Variants in PTPRT observed in about 807,000 individuals in gnomAD.
PTPRT encodes the protein receptor-type tyrosine-protein phosphatase T.
Under a neutral mutation model 176.8 loss-of-function variants are expected in PTPRT, and 56 were observed. That is an observed-to-expected ratio of 0.32 (90% confidence interval 0.26 to 0.40). The LOEUF (loss-of-function observed/expected upper bound fraction) is 0.40, where lower values mean the gene tolerates loss of function less well. PTPRT is among the 10% of genes least tolerant of loss of function. The pLI is 1.00. For synonymous variants in PTPRT, 783 were observed against 739.0 expected (o/e 1.06, Z -0.96); for missense variants, 1,540 against 1,908.2 (o/e 0.81, Z 3.60).
At chr20:42,861,528 C>T (rs2078660604) in intron 2 of PTPRT, among the ~76,000 whole-genome samples, 1 of 151,664 alleles carries the variant, frequency 6.6e-6, no homozygotes, top group Admixed American at 6.6e-5. Flanking sequence ...GCTTGTTGTG[C>T]TAGACACTGA....
chr20:42,085,940 TTTTTTC>T (rs1306323344), intron 27 of PTPRT, 87 bp from the exon 28 acceptor site: 3 of 1,421,210 alleles, frequency 2.1e-6, no homozygotes, highest in African/African-American at 1.5e-5. Context: ...TTTCTTTTCT[TTTTTTC>T]TTTTTCTTTT....
chr20:42,696,041 G>T (rs1003826039), intron 6 of PTPRT, among the ~76,000 whole-genome samples: 2 of 152,070 alleles, frequency 1.3e-5, no homozygotes, highest in African/African-American at 4.8e-5. Flanking sequence ...CAAAAGCGAT[G>T]TGATAATATT....
rs774903450 is a variant in PTPRT, at chr20:42,110,344, C to T, written c.3243G>A (p.Val1081=). ...GACCTTTGACTTACCTGCAGTGGAC[C>T]ACTATGGGCCCAGCTTCCGGGGGGT... is the stretch of plus-strand genomic sequence containing the variant. ...FLNPPEAGPI[V]VHCSAGAGRT... Residue 1081 remains valine (V), a synonymous_variant, in exon 23 of 31, where the codon GTG becomes GTA. Transcript: ENST00000373187. The T allele has an allele frequency of 1.2e-6, 2 of 1,609,942 alleles. No homozygotes were observed. Among genetic ancestry groups the T allele is most frequent in the South Asian group, 1.1e-5 (1 of 90,574 alleles).
At chr20:42,428,096 A>T (rs901214809) in intron 9 of PTPRT, among the ~76,000 whole-genome samples, 1 of 152,250 alleles carries the variant, frequency 6.6e-6, no homozygotes, top group African/African-American at 2.4e-5. Flanking sequence ...ACGGACGCAC[A>T]TGAAAACCAC....
At chr20:42,335,156 A>C (rs984023955) in intron 11 of PTPRT, among the ~76,000 whole-genome samples, 1 of 152,204 alleles carries the variant, frequency 6.6e-6, no homozygotes, top group Non-Finnish European at 1.5e-5. Flanking sequence ...GGAGTAGTCA[A>C]GTGTGGACAG....
At chr20:42,992,412 A>G (rs1414680394) in intron 1 of PTPRT, among the ~76,000 whole-genome samples, 1 of 152,216 alleles carries the variant, frequency 6.6e-6, no homozygotes, top group African/African-American at 2.4e-5. Context: ...GAGGAAACTC[A>G]GTCTATTGGT....
rs578069633 is a variant in PTPRT at position 42,498,925 on chromosome 20, C to T, written c.1154-26363G>A. Reference sequence around the variant, plus strand: ...TATTGATTTATGTCTTTGCCTGTAACTTCTGTCTTCCTAAAATGTATACAA... The same window carrying T: ...TATTGATTTATGTCTTTGCCTGTAATTTCTGTCTTCCTAAAATGTATACAA... On this transcript the variant is annotated intron_variant, in intron 7 of 30. Transcript: ENST00000373187. Among the ~76,000 whole-genome samples the T allele has an allele frequency of 3.3e-5, 5 of 152,264 alleles. No individual in the cohort carries two copies. The South Asian group carries it at 8.3e-4, about 25-fold the overall frequency.
intron 30 of PTPRT, among the ~76,000 whole-genome samples, chr20:42,081,283 A>G (rs577634011): frequency 1.3e-5 from 2 of 152,270 alleles, no homozygotes; most frequent in African/African-American, 4.8e-5. Context: ...AAGATTCTGC[A>G]TTTCTAACAA....
intron 9 of PTPRT, among the ~76,000 whole-genome samples, chr20:42,370,641 A>C (rs1211340162): frequency 6.6e-6 from 1 of 152,216 alleles, no homozygotes; most frequent in Non-Finnish European, 1.5e-5. Flanking sequence ...CTTATAGGTC[A>C]GAATGGGGAA....
chr20:42,210,868 A>T (rs934869666), intron 15 of PTPRT, among the ~76,000 whole-genome samples: 1 of 152,158 alleles, frequency 6.6e-6, no homozygotes, highest in African/African-American at 2.4e-5. Flanking sequence ...ACAAAGCTGG[A>T]GGCATCACAC....
intron 14 of PTPRT, among the ~76,000 whole-genome samples, chr20:42,239,413 C>CTTTTTTTTTTT (rs35978863): frequency 3.7e-4 from 30 of 81,198 alleles, no homozygotes; most frequent in African/African-American, 6.4e-4. Flanking sequence ...CATTTTCTTT[C>CTTTTTTTTTTT]TTTTTTTTTT....
chr20:42,348,821 C>T (rs1008196495), intron 11 of PTPRT, among the ~76,000 whole-genome samples: 13 of 152,084 alleles, frequency 8.5e-5, no homozygotes, highest in African/African-American at 2.4e-4. Flanking sequence ...TGTAGAGTTG[C>T]GCTATTCCTT....
chr20:43,087,874 G>A (rs1484134877), intron 1 of PTPRT, among the ~76,000 whole-genome samples: 1 of 152,116 alleles, frequency 6.6e-6, no homozygotes, highest in East Asian at 1.9e-4. Flanking sequence ...CAACACAGAG[G>A]ACACTGAAGG....
chr20:42,281,680 T>C (rs539429597), intron 13 of PTPRT, among the ~76,000 whole-genome samples: 33 of 152,300 alleles, frequency 2.2e-4, no homozygotes, highest in African/African-American at 7.9e-4. Flanking sequence ...TTTATCTCCT[T>C]GGAAGCAGTC....
chr20:42,962,793 C>T (rs1465226275), intron 1 of PTPRT, among the ~76,000 whole-genome samples: 3 of 152,182 alleles, frequency 2.0e-5, no homozygotes, highest in Non-Finnish European at 4.4e-5. Flanking sequence ...CCAGGCCAGG[C>T]GCGGTGGCTC....
intron 1 of PTPRT, among the ~76,000 whole-genome samples, chr20:42,990,672 TAAAC>T (rs1009305235): frequency 6.6e-6 from 1 of 152,192 alleles, no homozygotes; most frequent in Admixed American, 6.5e-5. Context: ...ATTATATTTT[TAAAC>T]AAACTCACTG....
chr20:42,473,249 A>G (rs1601090214), intron 7 of PTPRT, among the ~76,000 whole-genome samples: 1 of 152,114 alleles, frequency 6.6e-6, no homozygotes, highest in African/African-American at 2.4e-5. Flanking sequence ...ATGCCTTCTC[A>G]CCCTAATGCT....
intron 2 of PTPRT, among the ~76,000 whole-genome samples, chr20:42,873,135 C>G (rs1193984792): frequency 6.6e-6 from 1 of 152,180 alleles, no homozygotes; most frequent in Non-Finnish European, 1.5e-5. Context: ...TTCAAGTCAA[C>G]AGAGCAAGGC....
intron 1 of PTPRT, among the ~76,000 whole-genome samples, chr20:42,961,039 GA>G (rs1370277110): frequency 6.6e-6 from 1 of 151,900 alleles, no homozygotes; most frequent in Admixed American, 6.6e-5. Flanking sequence ...ATAAATTCAA[GA>G]AAACCTGGTT....
Sources: gnomAD v4.1 joint callset for allele counts (sites outside exome capture counted in the v4.1 genomes callset) on GRCh38, gnomAD v4.1.1 for gene constraint, MANE v1.5 for transcripts, NCBI Gene and HGNC (gene_info 2026-07-23, HGNC 2026-07-21) for gene names.